The following UTRN variants were observed in gnomAD, a reference collection of about 807,000 sequenced individuals.
The protein encoded by UTRN is utrophin.
A neutral mutation model predicts 463.9 loss-of-function variants in UTRN; 283 were observed. The ratio of observed to expected loss-of-function variants is 0.61; its 90% CI spans 0.55 to 0.67. The LOEUF (loss-of-function observed/expected upper bound fraction) is 0.67, where lower values mean the gene tolerates loss of function less well. Ranked by LOEUF, UTRN falls within the 30% of genes least tolerant of loss-of-function variation. The probability of loss-of-function intolerance (pLI) is 0.00; values close to 1 mark genes in which losing one functional copy is unlikely to be tolerated. For synonymous variants in UTRN, 1,442 were observed against 1,431.5 expected, an observed-to-expected ratio of 1.01 and a Z score of -0.17; for missense variants, 3,922 against 4,084.3, an observed-to-expected ratio of 0.96 and a Z score of 1.08.
chr6:144,661,503 T>C (rs1458534079), intron 51 of UTRN, among the ~76,000 whole-genome samples: 1 of 152,192 alleles, frequency 6.6e-6, no homozygotes, highest in Non-Finnish European at 1.5e-5. Context: ...GTTAAGCATC[T>C]AAATTCCTGA....
At chr6:144,558,596 C>A (rs902453581) in intron 50 of UTRN, among the ~76,000 whole-genome samples, 1 of 151,854 alleles carries the variant, frequency 6.6e-6, no homozygotes, top group Non-Finnish European at 1.5e-5. Flanking sequence ...CAAACCTGCA[C>A]GTTGTGCACA....
Position 144,444,298 on chromosome 6 carries a change from G to A in UTRN, c.1530G>A (p.Trp510Ter). 1 of 1,611,498 alleles carries A rather than the reference G, an allele frequency of 6.2e-7. No homozygotes were observed. Among genetic ancestry groups the A allele is most frequent in the Non-Finnish European group, 8.5e-7 (1 of 1,178,598 alleles). The change falls in exon 14 of 75, where the codon TGG (tryptophan) becomes TGA (stop). Residue 510 changes from tryptophan (W) to a stop codon, truncating the protein, a stop_gained. Coordinates refer to ENST00000367545, the MANE Select transcript of UTRN (RefSeq NM_007124.3). LOFTEE classifies it high-confidence loss of function. Reference sequence around the variant, plus strand: ...TTTTCTAGAAACTTGGTGAGCGCTGGACAGCAGTATGCCGTTGGACTGAAG... The same window carrying A: ...TTTTCTAGAAACTTGGTGAGCGCTGAACAGCAGTATGCCGTTGGACTGAAG... ...EDQLQKLGER[W>*]TAVCRWTEER...
intron 46 of UTRN, among the ~76,000 whole-genome samples, chr6:144,544,455 A>G (rs1798228776): frequency 6.6e-6 from 1 of 152,166 alleles, no homozygotes; most frequent in South Asian, 2.1e-4. Flanking sequence ...ACCGATCTGC[A>G]TTCTGTTTCC....
chr6:144,685,230 TG>T (rs1782625750), intron 52 of UTRN, among the ~76,000 whole-genome samples: 1 of 152,138 alleles, frequency 6.6e-6, no homozygotes, highest in Non-Finnish European at 1.5e-5. Flanking sequence ...TATGGCTGAG[TG>T]GTATTTCATG....
At chr6:144,807,591 G>A (rs1362693709) in intron 65 of UTRN, among the ~76,000 whole-genome samples, 1 of 151,998 alleles carries the variant, frequency 6.6e-6, no homozygotes, top group Non-Finnish European at 1.5e-5. Flanking sequence ...TCATCATTCT[G>A]TCTCCATATG....
chr6:144,602,932 G>A (rs1804417951), intron 51 of UTRN, among the ~76,000 whole-genome samples: 1 of 152,174 alleles, frequency 6.6e-6, no homozygotes, highest in Admixed American at 6.5e-5. Flanking sequence ...GCTTTTTTAT[G>A]CACTGGGAAA....
chr6:144,423,837 G>C, intron 5 of UTRN, 149 bp from the exon 6 acceptor site: 1 of 921,566 alleles, frequency 1.1e-6, no homozygotes, highest in East Asian at 2.6e-5. Flanking sequence ...ACATTTTTGA[G>C]ATTTAAGCTT....
At chr6:144,754,412 C>G (rs144227340) in intron 56 of UTRN, among the ~76,000 whole-genome samples, 4 of 151,930 alleles carry the variant, frequency 2.6e-5, no homozygotes, top group Non-Finnish European at 5.9e-5. Flanking sequence ...GTTTCTTAAT[C>G]TGTAAGATGA....
At chr6:144,331,409 T>G (rs1776323776) in intron 2 of UTRN, among the ~76,000 whole-genome samples, 1 of 152,172 alleles carries the variant, frequency 6.6e-6, no homozygotes, top group South Asian at 2.1e-4. Flanking sequence ...CTATGAAAGT[T>G]ATTCCATCAC....
At chr6:144,815,242 G>A (rs537831133) in intron 65 of UTRN, among the ~76,000 whole-genome samples, 4 of 152,324 alleles carry the variant, frequency 2.6e-5, no homozygotes, top group Admixed American at 6.5e-5. Context: ...AGTCAACACA[G>A]TAAAATATTT....
chr6:144,321,889 G>A (rs962427032), intron 2 of UTRN, among the ~76,000 whole-genome samples: 4 of 151,272 alleles, frequency 2.6e-5, no homozygotes, highest in African/African-American at 4.9e-5. Flanking sequence ...TCGGCCTCCC[G>A]AGTAGCTGGG....
intron 2 of UTRN, among the ~76,000 whole-genome samples, chr6:144,320,274 G>T (rs140913766): frequency 3.9e-4 from 60 of 152,318 alleles, no homozygotes; most frequent in Non-Finnish European, 6.2e-4. Context: ...GGCTAATATT[G>T]TTAGGGGCTG....
chr6:144,463,324 G>T (rs768640491), intron 23 of UTRN, among the ~76,000 whole-genome samples: 36 of 152,144 alleles, frequency 2.4e-4, no homozygotes, highest in African/African-American at 7.7e-4. Context: ...AAGGCAAATC[G>T]TTCCAGGGAC....
intron 61 of UTRN, among the ~76,000 whole-genome samples, chr6:144,782,733 T>G (rs1473129428): frequency 6.6e-6 from 1 of 152,154 alleles, no homozygotes; most frequent in Admixed American, 6.5e-5. Flanking sequence ...AAGCACACTC[T>G]CAACTCCCAG....
intron 9 of UTRN, among the ~76,000 whole-genome samples, chr6:144,433,040 T>C (rs1441030348): frequency 1.3e-5 from 2 of 152,298 alleles, no homozygotes; most frequent in South Asian, 4.1e-4. Context: ...GGCAGAAGAA[T>C]TTTTCTTAGT....
rs564388731 is a variant in UTRN, at chr6:144,851,833, T to C, written c.*836T>C. ...TTTGATAAAGAAGACTACATTATAA[T>C]AATCTCAAAGATCATATTACCAAAG... is the stretch of plus-strand genomic sequence containing the variant. On this transcript the variant is annotated 3_prime_UTR_variant, in exon 75 of 75. Transcript: ENST00000367545. The C allele has an allele frequency of 3.9e-5, 6 of 152,336 alleles. No individual in the cohort carries two copies. The highest frequency in any genetic ancestry group is 1.5e-5 in the Non-Finnish European group (1 of 68,018). 9.4% of individuals were successfully genotyped at this position (152,336 alleles called of 1,614,324 possible). A position where few individuals can be genotyped will look rare whatever the true frequency, so the allele number is the denominator to read the frequency against.
At chr6:144,794,454 G>A (rs1004443216) in intron 63 of UTRN, among the ~76,000 whole-genome samples, 1 of 152,076 alleles carries the variant, frequency 6.6e-6, no homozygotes, top group African/African-American at 2.4e-5. Flanking sequence ...TACATCCTCT[G>A]AAAATCTTTC....
intron 51 of UTRN, among the ~76,000 whole-genome samples, chr6:144,605,955 AT>A (rs1804801468): frequency 6.6e-6 from 1 of 152,136 alleles, no homozygotes; most frequent in South Asian, 2.1e-4. Flanking sequence ...TCTTAGTGGC[AT>A]TTATGTCCAT....
intron 58 of UTRN, among the ~76,000 whole-genome samples, chr6:144,768,443 A>G (rs899386178): frequency 6.6e-6 from 1 of 152,210 alleles, no homozygotes; most frequent in African/African-American, 2.4e-5. Flanking sequence ...AGCAGGATTT[A>G]TACTGCTTGA....
Sources: allele counts gnomAD v4.1 joint callset (sites outside exome capture counted in the v4.1 genomes callset), GRCh38; gene constraint gnomAD v4.1.1; transcripts MANE v1.5; gene names NCBI Gene and HGNC (gene_info 2026-07-23, HGNC 2026-07-21).